Variants in DPYD observed in about 807,000 individuals in gnomAD.
DPYD encodes the protein dihydropyrimidine dehydrogenase.
DPYD carries 109 observed loss-of-function variants against 116.2 expected under a neutral mutation model. The ratio of observed to expected loss-of-function variants is 0.94; its 90% CI spans 0.80 to 1.10. The LOEUF is 1.10. Ranked by LOEUF, DPYD falls within the 50% of genes least tolerant of loss-of-function variation. The probability of loss-of-function intolerance (pLI) is 0.00; values close to 1 mark genes in which losing one functional copy is unlikely to be tolerated. For missense variants in DPYD, 1,302 were observed against 1,254.5 expected (o/e 1.04, Z -0.57); for synonymous variants, 440 against 432.0 (o/e 1.02, Z -0.23).
At chr1:97,335,238 A>G (rs1007193655) in intron 16 of DPYD, among the ~76,000 whole-genome samples, 11 of 151,584 alleles carry the variant, frequency 7.3e-5, no homozygotes, top group African/African-American at 2.7e-4. Flanking sequence ...TAAGCTCATC[A>G]AATTCCTGGC....
chr1:97,120,311 G>A (rs1270586818), intron 20 of DPYD, among the ~76,000 whole-genome samples: 2 of 152,100 alleles, frequency 1.3e-5, no homozygotes, highest in Non-Finnish European at 2.9e-5. Flanking sequence ...GATATGAATT[G>A]AACATGCAGA....
intron 1 of DPYD, among the ~76,000 whole-genome samples, chr1:97,887,947 C>T (rs1269292505): frequency 6.6e-6 from 1 of 152,016 alleles, no homozygotes; most frequent in African/African-American, 2.4e-5. Context: ...TGTTTGCTTC[C>T]CCTTCTGCCA....
intron 8 of DPYD, among the ~76,000 whole-genome samples, chr1:97,642,375 T>C (rs887240452): frequency 2.6e-5 from 4 of 152,050 alleles, no homozygotes; most frequent in Non-Finnish European, 5.9e-5. Context: ...AACAGCATGG[T>C]ACTGGTACCA....
chr1:97,586,446 C>A (rs1654104125), intron 10 of DPYD, among the ~76,000 whole-genome samples: 1 of 110,126 alleles, frequency 9.1e-6, no homozygotes, highest in Non-Finnish European at 1.8e-5. Context: ...GTGGGCTTAT[C>A]TGTGAAAATA....
chr1:97,688,815 T>C (rs1660868917), intron 7 of DPYD, among the ~76,000 whole-genome samples: 1 of 151,878 alleles, frequency 6.6e-6, no homozygotes, highest in African/African-American at 2.4e-5. Flanking sequence ...TACTAACCAA[T>C]TGAATCTGAA....
chr1:97,236,757 G>A (rs895401311), intron 18 of DPYD, among the ~76,000 whole-genome samples: 2 of 152,138 alleles, frequency 1.3e-5, no homozygotes, highest in Non-Finnish European at 2.9e-5. Context: ...GGGTGGTTAG[G>A]CTATAGGTGT....
chr1:97,279,325 T>C (rs1252505552), intron 18 of DPYD, among the ~76,000 whole-genome samples: 1 of 151,992 alleles, frequency 6.6e-6, no homozygotes, highest in Non-Finnish European at 1.5e-5. Flanking sequence ...CATGTAGAAC[T>C]CCCAAAAAGG....
At chr1:97,269,358 G>C (rs924968224) in intron 18 of DPYD, among the ~76,000 whole-genome samples, 2 of 152,116 alleles carry the variant, frequency 1.3e-5, no homozygotes, top group Admixed American at 6.6e-5. Flanking sequence ...TGTCCTGAAA[G>C]CTCTATTCAT....
At chr1:97,767,534 T>C (rs962435401) in intron 3 of DPYD, among the ~76,000 whole-genome samples, 2 of 152,034 alleles carry the variant, frequency 1.3e-5, no homozygotes, top group Non-Finnish European at 2.9e-5. Context: ...TGTGAGCGAC[T>C]CCTAATTTGT....
At chr1:97,604,440 T>C (rs1296387184) in intron 8 of DPYD, among the ~76,000 whole-genome samples, 1 of 152,114 alleles carries the variant, frequency 6.6e-6, no homozygotes, top group Non-Finnish European at 1.5e-5. Flanking sequence ...TTTTATCTGG[T>C]GATAATATTC....
At chr1:97,097,426 C>G (rs1252652765) in intron 21 of DPYD, among the ~76,000 whole-genome samples, 2 of 152,078 alleles carry the variant, frequency 1.3e-5, no homozygotes, top group African/African-American at 4.8e-5. Context: ...TAAAAGCAAG[C>G]TTTTCAGCTG....
chr1:97,542,904 T>A (rs1469703997), intron 12 of DPYD, among the ~76,000 whole-genome samples: 1 of 152,220 alleles, frequency 6.6e-6, no homozygotes, highest in Non-Finnish European at 1.5e-5. Flanking sequence ...AATATTCATC[T>A]GTTAAGACTC....
chr1:97,750,109 TAATA>T (rs1397256953), intron 3 of DPYD, among the ~76,000 whole-genome samples: 1 of 152,116 alleles, frequency 6.6e-6, no homozygotes, highest in East Asian at 1.9e-4. Flanking sequence ...TTTAAAAAAC[TAATA>T]TATATTTTTC....
intron 16 of DPYD, among the ~76,000 whole-genome samples, chr1:97,306,546 A>T (rs1190939553): frequency 6.6e-6 from 1 of 151,994 alleles, no homozygotes; most frequent in Non-Finnish European, 1.5e-5. Flanking sequence ...TTTAGAAAAT[A>T]AAATTTCAAA....
intron 8 of DPYD, among the ~76,000 whole-genome samples, chr1:97,659,155 A>G (rs1659109801): frequency 1.3e-5 from 2 of 152,238 alleles, no homozygotes; most frequent in East Asian, 1.9e-4. Flanking sequence ...TGTTATTACC[A>G]TATTTTGTTG....
chr1:97,682,091 G>C (rs1320750902), intron 7 of DPYD, among the ~76,000 whole-genome samples: 1 of 152,016 alleles, frequency 6.6e-6, no homozygotes, highest in Non-Finnish European at 1.5e-5. Flanking sequence ...CACCACAGCA[G>C]AGTGAAAATG....
intron 3 of DPYD, among the ~76,000 whole-genome samples, chr1:97,742,151 A>C (rs1191678381): frequency 6.6e-6 from 1 of 152,122 alleles, no homozygotes; most frequent in Non-Finnish European, 1.5e-5. Flanking sequence ...AGCATTCTCC[A>C]AGAATTTCAC....
intron 19 of DPYD, among the ~76,000 whole-genome samples, chr1:97,204,500 G>T (rs1161461854): frequency 6.6e-6 from 1 of 152,124 alleles, no homozygotes; most frequent in Non-Finnish European, 1.5e-5. Flanking sequence ...ACAACCTGAA[G>T]AAAGATTACA....
At chr1:97,594,913 C>CTT in intron 9 of DPYD, 146 bp downstream of exon 9, 14 of 507,322 alleles carry the variant, frequency 2.8e-5, no homozygotes, top group East Asian at 3.7e-5. Flanking sequence ...TATACCCGGC[C>CTT]TTTTTTTTTT....
Sources: gnomAD v4.1 joint callset for allele counts (sites outside exome capture counted in the v4.1 genomes callset) on GRCh38, gnomAD v4.1.1 for gene constraint, MANE v1.5 for transcripts, NCBI Gene and HGNC (gene_info 2026-07-23, HGNC 2026-07-21) for gene names.